The following NEGR1 variants were observed in gnomAD, a reference collection of about 807,000 sequenced individuals.
The protein encoded by NEGR1 is neuronal growth regulator 1.
NEGR1 carries 10 observed loss-of-function variants against 40.9 expected under a neutral mutation model. The ratio of observed to expected loss-of-function variants is 0.24; its 90% CI spans 0.15 to 0.42. The LOEUF (loss-of-function observed/expected upper bound fraction) is 0.42. Among genes scored for constraint, NEGR1 ranks in the 10% least tolerant of loss-of-function variants. NEGR1 has a pLI of 1.00. For synonymous variants in NEGR1, 185 were observed against 166.8 expected (o/e 1.11, Z -0.84); for missense variants, 352 against 438.9 (o/e 0.80, Z 1.77).
chr1:72,045,109 T>G lies in NEGR1; in HGVS notation c.177-109798A>C, dbSNP rs1287131198. On this transcript the variant is annotated intron_variant, in intron 1 of 6. Coordinates refer to ENST00000357731, the MANE Select transcript of NEGR1 (RefSeq NM_173808.3). The stretch of plus-strand genomic sequence containing the variant: ...CTATATAATTTTGACCTCACCCACA[T>G]AACATAGCTGCATTAGAATTTTGCA... Among the ~76,000 whole-genome samples the G allele has an allele frequency of 3.3e-5, 5 of 151,812 alleles. No individual in the cohort carries two copies. In the East Asian group the frequency reaches 9.7e-4, roughly 29 times the overall value.
chr1:72,213,194 C>T (rs1653674683), intron 1 of NEGR1, among the ~76,000 whole-genome samples: 1 of 151,808 alleles, frequency 6.6e-6, no homozygotes, highest in African/African-American at 2.4e-5. Flanking sequence ...GATATAGGAG[C>T]AGAAGACAAG....
intron 1 of NEGR1, among the ~76,000 whole-genome samples, chr1:71,952,977 T>C (rs1646085635): frequency 1.3e-5 from 2 of 148,278 alleles, no homozygotes; most frequent in African/African-American, 4.9e-5. Context: ...AAAAAAAGGT[T>C]CTTTTCAAAA....
At position 71,404,776 on chromosome 1, in the gene NEGR1, G is replaced by C. The variant is rs914092036; in HGVS notation, c.*2670C>G. 6.6e-6 allele frequency: 1 copy of C among 152,096 alleles called. No homozygotes were observed. Among genetic ancestry groups the C allele is most frequent in the Non-Finnish European group, 1.5e-5 (1 of 67,738 alleles). 9.4% of individuals were successfully genotyped at this position (152,096 alleles called of 1,614,324 possible). A position where few individuals can be genotyped will look rare whatever the true frequency, so the allele number is the denominator to read the frequency against. ...TGAACAGCTAACACAAATTGTTATA[G>C]ATTAAAAGATAAATCAATTTATAAA... On this transcript the variant is annotated 3_prime_UTR_variant, in exon 7 of 7. Coordinates refer to ENST00000357731, the MANE Select transcript of NEGR1 (RefSeq NM_173808.3).
Position 71,656,785 on chromosome 1 carries a change from T to A in NEGR1, c.667+41223A>T, listed in dbSNP as rs146559551. Among the ~76,000 whole-genome samples, 5 of 152,344 alleles carry A rather than the reference T, an allele frequency of 3.3e-5. No individual in the cohort carries two copies. In the East Asian group the frequency reaches 9.6e-4, roughly 29 times the overall value. ...GGAACTCTCCTCATAAAAGAGAGAA[T>A]TTGGTGTTCTATATCTATGGATAAT... On this transcript the variant is annotated intron_variant, in intron 4 of 6. Coordinates refer to ENST00000357731, the MANE Select transcript of NEGR1 (RefSeq NM_173808.3).
intron 1 of NEGR1, among the ~76,000 whole-genome samples, chr1:71,995,932 T>A (rs940270616): frequency 2.6e-5 from 4 of 152,192 alleles, no homozygotes; most frequent in South Asian, 2.1e-4. Flanking sequence ...TTAATTTTTT[T>A]AAATCATTTG....
At chr1:72,253,580 G>C (rs1033894738) in intron 1 of NEGR1, among the ~76,000 whole-genome samples, 1 of 152,098 alleles carries the variant, frequency 6.6e-6, no homozygotes, top group Admixed American at 6.6e-5. Context: ...AATAAGCTAG[G>C]AATAAGTAAG....
chr1:71,510,784 G>A (rs1647067886), intron 6 of NEGR1, among the ~76,000 whole-genome samples: 1 of 152,164 alleles, frequency 6.6e-6, no homozygotes. Flanking sequence ...TTGCAAGACT[G>A]CTATTAAAAG....
intron 1 of NEGR1, among the ~76,000 whole-genome samples, chr1:72,266,594 C>T (rs1002612911): frequency 6.6e-6 from 1 of 150,636 alleles, no homozygotes; most frequent in Non-Finnish European, 1.5e-5. Flanking sequence ...CACATTTTAT[C>T]AAATCCTGTA....
chr1:71,857,276 G>T (rs1659801998), intron 2 of NEGR1, among the ~76,000 whole-genome samples: 1 of 151,624 alleles, frequency 6.6e-6, no homozygotes, highest in African/African-American at 2.4e-5. Flanking sequence ...AAAACTGTTT[G>T]TTGTAATTTT....
intron 1 of NEGR1, among the ~76,000 whole-genome samples, chr1:72,060,898 T>C (rs112349463): frequency 0.015 from 2,278 of 151,702 alleles, 54 homozygotes; most frequent in African/African-American, 0.052. Context: ...GATTTTTTTT[T>C]CCCTCAGCAA....
chr1:72,098,581 C>T (rs757922756), intron 1 of NEGR1, among the ~76,000 whole-genome samples: 3 of 152,098 alleles, frequency 2.0e-5, no homozygotes, highest in Non-Finnish European at 4.4e-5. Flanking sequence ...AACCAATTAC[C>T]TACTTTGCAA....
rs543882747 is a variant in NEGR1, at chr1:71,579,440, C to T, written c.940+13377G>A. On this transcript the variant is annotated intron_variant, in intron 6 of 6. Coordinates refer to ENST00000357731, the MANE Select transcript of NEGR1 (RefSeq NM_173808.3). ...TAATAAACTTAATAAGTGAAAAATGCTGAAGTTTTAAGATTATGACATTAC... is the reference window on the plus strand; with the variant it reads ...TAATAAACTTAATAAGTGAAAAATGTTGAAGTTTTAAGATTATGACATTAC... Among the ~76,000 whole-genome samples, 11 of 152,146 alleles carry T rather than the reference C, an allele frequency of 7.2e-5. No homozygotes were observed. In the South Asian group the frequency reaches 1.9e-3, roughly 26 times the overall value.
chr1:71,929,971 T>C (rs1163110541), intron 2 of NEGR1, among the ~76,000 whole-genome samples: 1 of 152,142 alleles, frequency 6.6e-6, no homozygotes, highest in Non-Finnish European at 1.5e-5. Context: ...CAGATAATCA[T>C]TGGTAAGTAT....
chr1:71,578,716 A>G (rs1649038075), intron 6 of NEGR1, among the ~76,000 whole-genome samples: 2 of 152,138 alleles, frequency 1.3e-5, no homozygotes. Flanking sequence ...ATTAATGAAT[A>G]GACTAACAGT....
At chr1:71,995,130 C>T (rs1245705109) in intron 1 of NEGR1, among the ~76,000 whole-genome samples, 3 of 152,040 alleles carry the variant, frequency 2.0e-5, no homozygotes, top group Non-Finnish European at 2.9e-5. Context: ...TGCTTTTACC[C>T]ACACAGAAAA....
chr1:71,560,581 T>A (rs1445783697), intron 6 of NEGR1, among the ~76,000 whole-genome samples: 1 of 150,968 alleles, frequency 6.6e-6, no homozygotes, highest in Non-Finnish European at 1.5e-5. Flanking sequence ...CTCCAAATTG[T>A]GTGAGCACAA....
At chr1:71,874,774 C>T (rs192088676) in intron 2 of NEGR1, among the ~76,000 whole-genome samples, 159 of 152,202 alleles carry the variant, frequency 1.0e-3, no homozygotes, top group Non-Finnish European at 1.5e-3. Flanking sequence ...ATCATGATAT[C>T]ACAAGTCAAT....
intron 2 of NEGR1, among the ~76,000 whole-genome samples, chr1:71,932,018 TAGTC>T (rs1165012318): frequency 8.5e-5 from 13 of 152,130 alleles, no homozygotes; most frequent in Non-Finnish European, 1.5e-4. Flanking sequence ...TTAAGTCTAT[TAGTC>T]AGTTTCAACC....
At chr1:72,150,975 T>C (rs1460805446) in intron 1 of NEGR1, among the ~76,000 whole-genome samples, 1 of 151,928 alleles carries the variant, frequency 6.6e-6, no homozygotes, top group Non-Finnish European at 1.5e-5. Context: ...CTTTAGCAAT[T>C]GTTATTAAAA....
Sources: gnomAD v4.1 joint callset for allele counts (sites outside exome capture counted in the v4.1 genomes callset) on GRCh38, gnomAD v4.1.1 for gene constraint, MANE v1.5 for transcripts, NCBI Gene and HGNC (gene_info 2026-07-23, HGNC 2026-07-21) for gene names.